The following DIP2C variants were observed in gnomAD, a reference collection of about 807,000 sequenced individuals.
The protein encoded by DIP2C is disco-interacting protein 2 homolog C.
DIP2C carries 33 observed loss-of-function variants against 192.4 expected under a neutral mutation model. The observed-to-expected ratio is 0.17, with a 90% CI of 0.13 to 0.23. The LOEUF (loss-of-function observed/expected upper bound fraction) is 0.23, where lower values mean the gene tolerates loss of function less well. Among genes scored for constraint, DIP2C ranks in the 10% least tolerant of loss-of-function variants. The pLI, the probability that DIP2C is intolerant of heterozygous loss-of-function variation, is 1.00. For missense variants in DIP2C, 1,537 were observed against 2,110.1 expected (o/e 0.73, Z 5.32); for synonymous variants, 979 against 864.1 (o/e 1.13, Z -2.33).
chr10:672,620 C>T (rs1055908594), intron 1 of DIP2C, among the ~76,000 whole-genome samples: 8 of 152,212 alleles, frequency 5.3e-5, no homozygotes, highest in Non-Finnish European at 1.2e-4. Flanking sequence ...GATTGGCTGG[C>T]GACCGCTTAG....
In DIP2C at chr10:363,328, G is replaced by A; in HGVS notation, c.2478-17C>T. ...ACGGCTATCCTGCGGGGACACAGGA[G>A]CATGGTGAGCACGCGCCGGGGACGC... is the stretch of plus-strand genomic sequence containing the variant. On this transcript the variant is annotated splice_polypyrimidine_tract_variant and intron_variant, in intron 20 of 36. Coordinates refer to ENST00000280886, the MANE Select transcript of DIP2C (RefSeq NM_014974.3). The surrounding 1 kb of genome is among the most constrained non-coding windows in gnomAD (Gnocchi z 5.4). The A allele has an allele frequency of 6.2e-7, 1 of 1,605,292 alleles. No homozygotes were observed. Among genetic ancestry groups the A allele is most frequent in the Non-Finnish European group, 8.5e-7 (1 of 1,176,736 alleles).
At chr10:412,589 G>A (rs950545970) in intron 8 of DIP2C, among the ~76,000 whole-genome samples, 4 of 152,174 alleles carry the variant, frequency 2.6e-5, no homozygotes, top group African/African-American at 4.8e-5. Flanking sequence ...GCTACGAAAC[G>A]CACGCTCCCA....
chr10:367,775 C>T (rs1255953214), intron 18 of DIP2C, among the ~76,000 whole-genome samples: 2 of 152,260 alleles, frequency 1.3e-5, no homozygotes, highest in African/African-American at 2.4e-5. Flanking sequence ...TCGTTACGCG[C>T]TGACAAAGGA....
intron 1 of DIP2C, among the ~76,000 whole-genome samples, chr10:488,736 TCA>T (rs1210856920): frequency 6.6e-6 from 1 of 152,208 alleles, no homozygotes; most frequent in Non-Finnish European, 1.5e-5. Flanking sequence ...ACGGCATAAA[TCA>T]CACGCTGTAG....
intron 31 of DIP2C, among the ~76,000 whole-genome samples, chr10:325,418 G>A (rs1957232111): frequency 6.6e-6 from 1 of 152,178 alleles, no homozygotes; most frequent in South Asian, 2.1e-4. Flanking sequence ...GATGCGACGG[G>A]TTACTCTCTG....
rs1276614068 is a variant in DIP2C at position 384,097 on chromosome 10, T to C, written c.1806A>G (p.Ala602=). Residue 602 remains alanine, a synonymous_variant, in exon 16 of 37, where the codon GCA becomes GCG. Coordinates refer to ENST00000280886, the MANE Select transcript of DIP2C (RefSeq NM_014974.3). ...KSRDMHWALV[A]HRDQRDINLS... ...GGTTGATGTCTCTCTGATCTCTGTGTGCTACTAATGCCCAATGCATATCCC... is the reference window on the plus strand; with the variant it reads ...GGTTGATGTCTCTCTGATCTCTGTGCGCTACTAATGCCCAATGCATATCCC... 3 of 1,611,490 alleles carry C rather than the reference T, an allele frequency of 1.9e-6. No individual in the cohort carries two copies. In the Admixed American group the frequency reaches 5.1e-5, roughly 27 times the overall value.
At chr10:592,768 A>C (rs1286877875) in intron 1 of DIP2C, among the ~76,000 whole-genome samples, 1 of 152,152 alleles carries the variant, frequency 6.6e-6, no homozygotes, top group East Asian at 1.9e-4. Flanking sequence ...ACAAGCTTCA[A>C]AATAAATACC....
At chr10:571,790 G>A (rs1037776506) in intron 1 of DIP2C, among the ~76,000 whole-genome samples, 2 of 152,128 alleles carry the variant, frequency 1.3e-5, no homozygotes, top group East Asian at 3.9e-4. Flanking sequence ...TAGCAACATG[G>A]GACATGGGAG....
At chr10:436,401 T>A (rs951577045) in intron 4 of DIP2C, among the ~76,000 whole-genome samples, 3 of 152,232 alleles carry the variant, frequency 2.0e-5, no homozygotes. Flanking sequence ...TTGCTGCTGG[T>A]GTGGATGGGT....
At chr10:577,609 G>C (rs774652772) in intron 1 of DIP2C, among the ~76,000 whole-genome samples, 1 of 152,190 alleles carries the variant, frequency 6.6e-6, no homozygotes, top group Non-Finnish European at 1.5e-5. Context: ...CCCCAGCCCT[G>C]CCATCAGCCT....
chr10:660,398 T>C (rs1856683878), intron 1 of DIP2C, among the ~76,000 whole-genome samples: 1 of 151,686 alleles, frequency 6.6e-6, no homozygotes, highest in African/African-American at 2.4e-5. Flanking sequence ...ATTCTAGCCC[T>C]TGTCCCTGTT....
At chr10:649,913 C>A (rs960295092) in intron 1 of DIP2C, 4 of 581,466 alleles carry the variant, frequency 6.9e-6, no homozygotes, top group African/African-American at 1.9e-5. Flanking sequence ...CCGTCACCTG[C>A]GTCCCCGTGC....
chr10:579,092 G>A (rs1210500428), intron 1 of DIP2C, among the ~76,000 whole-genome samples: 1 of 151,794 alleles, frequency 6.6e-6, no homozygotes, highest in Non-Finnish European at 1.5e-5. Context: ...ATACACACAT[G>A]CAGATCCATG....
At chr10:494,048 A>G (rs1469978538) in intron 1 of DIP2C, among the ~76,000 whole-genome samples, 1 of 152,248 alleles carries the variant, frequency 6.6e-6, no homozygotes, top group Non-Finnish European at 1.5e-5. Flanking sequence ...CCAGGATCTG[A>G]AAAGTCACGC....
Position 363,725 on chromosome 10 carries a change from A to G in DIP2C, c.2478-414T>C, listed in dbSNP as rs1218252525. On this transcript the variant is annotated intron_variant, in intron 20 of 36. Coordinates refer to ENST00000280886, the MANE Select transcript of DIP2C (RefSeq NM_014974.3). The surrounding 1 kb of genome is among the most constrained non-coding windows in gnomAD (Gnocchi z 5.4). ...GTTTCAGAACTAGTGATTTTCTGCT[A>G]AGTGTATGTGCCTTATACTGTCAGC... Among the ~76,000 whole-genome samples the G allele has an allele frequency of 6.6e-6, 1 of 152,214 alleles. No individual in the cohort carries two copies.
At chr10:400,261 G>A (rs1052962911) in intron 9 of DIP2C, among the ~76,000 whole-genome samples, 11 of 150,336 alleles carry the variant, frequency 7.3e-5, no homozygotes, top group Admixed American at 3.3e-4. Flanking sequence ...GGCCTCAAGC[G>A]ATTCTCCTGC....
intron 1 of DIP2C, among the ~76,000 whole-genome samples, chr10:591,809 C>T (rs977977265): frequency 4.0e-5 from 6 of 150,968 alleles, no homozygotes; most frequent in Non-Finnish European, 7.4e-5. Flanking sequence ...CTTTTCAGAA[C>T]TTCCACAGGA....
intron 1 of DIP2C, among the ~76,000 whole-genome samples, chr10:499,340 G>A (rs146369323): frequency 8.8e-4 from 134 of 151,860 alleles, no homozygotes; most frequent in African/African-American, 2.8e-3. Flanking sequence ...TCTGTGGACC[G>A]CTGGGCTGCA....
At chr10:373,879 T>A (rs1375025764) in intron 17 of DIP2C, among the ~76,000 whole-genome samples, 1 of 152,230 alleles carries the variant, frequency 6.6e-6, no homozygotes, top group Non-Finnish European at 1.5e-5. Context: ...TGTTTCTTTG[T>A]TTGATCACCA....
Sources: gnomAD v4.1 joint callset for allele counts (sites outside exome capture counted in the v4.1 genomes callset) on GRCh38, gnomAD v4.1.1 for gene constraint, Gnocchi (gnomAD v3.1) non-coding constraint, MANE v1.5 for transcripts, NCBI Gene and HGNC (gene_info 2026-07-23, HGNC 2026-07-21) for gene names.